Variants in KIF1B observed in about 807,000 individuals in gnomAD.
KIF1B encodes the protein kinesin family member 1B.
In KIF1B, 76 loss-of-function variants were observed where a neutral mutation model predicts 241.9. The ratio of observed to expected loss-of-function variants is 0.31; its 90% confidence interval spans 0.26 to 0.38. The LOEUF is 0.38. Among genes scored for constraint, KIF1B ranks in the 10% least tolerant of loss-of-function variants. The pLI, the probability that KIF1B is intolerant of heterozygous loss-of-function variation, is 1.00. For missense variants in KIF1B, 1,622 were observed against 2,271.4 expected (o/e 0.71, Z 5.81); for synonymous variants, 750 against 796.7 (o/e 0.94, Z 0.99).
At position 10,326,969 on chromosome 1, in the gene KIF1B, C is replaced by T. The variant is rs568086922; in HGVS notation, c.2924+610C>T. On this transcript the variant is annotated intron_variant, in intron 27 of 48. Transcript: ENST00000676179. The surrounding 1 kb of genome is among the most constrained non-coding windows in gnomAD (Gnocchi z 5.2). Reference sequence around the variant, plus strand: ...TGGCCAGTTTCACTGAGCCTATCTACGGATCTTTGGCATCTGCTAAAATTT... The same window carrying T: ...TGGCCAGTTTCACTGAGCCTATCTATGGATCTTTGGCATCTGCTAAAATTT... Among the ~76,000 whole-genome samples the T allele has an allele frequency of 7.9e-5, 12 of 152,168 alleles. No homozygotes were observed. The highest frequency in any genetic ancestry group is 5.8e-4 in the East Asian group (3 of 5,198).
Position 10,293,949 on chromosome 1 carries a change from T to A in KIF1B, c.1591-1137T>A, listed in dbSNP as rs114158367. On this transcript the variant is annotated intron_variant, in intron 17 of 48. Coordinates refer to ENST00000676179, the MANE Select transcript of KIF1B (RefSeq NM_001365951.3). ...TGAGATTCCATTTTTCAAATTATGA[T>A]GTGCTTTAAAGAATGCTACTCACAA... Among the ~76,000 whole-genome samples, 715 of 152,342 alleles carry A rather than the reference T, an allele frequency of 4.7e-3. 3 individuals carry two copies. The highest frequency in any genetic ancestry group is 0.016 in the African/African-American group (659 of 41,586).
intron 2 of KIF1B, among the ~76,000 whole-genome samples, chr1:10,245,260 G>A (rs1647193952): frequency 6.6e-6 from 1 of 152,122 alleles, no homozygotes. Flanking sequence ...AATAAGGCAG[G>A]GAGAAAAGGG....
chr1:10,276,527 CA>C (rs1380593816), intron 12 of KIF1B, 128 bp downstream of exon 12: 8 of 717,420 alleles, frequency 1.1e-5, no homozygotes, highest in Non-Finnish European at 2.0e-5. Context: ...CCTCTCATAA[CA>C]GGGAAAACTT....
chr1:10,272,121 G>A lies in KIF1B; in HGVS notation c.799-120G>A, dbSNP rs1271180438. 4 of 752,406 alleles carry A rather than the reference G, an allele frequency of 5.3e-6. No homozygotes were observed. In the Admixed American group the frequency reaches 7.6e-5, roughly 14 times the overall value. 46.6% of individuals were successfully genotyped at this position (752,406 alleles called of 1,614,324 possible). On this transcript the variant is annotated intron_variant, in intron 8 of 48. Transcript: ENST00000676179. ...GAGGACAGATGGAGGACTAAAGGTT[G>A]TTTTTAGAACTTGTAATAAAGAAAT...
Position 10,375,313 on chromosome 1 carries a change from A to G in KIF1B, c.5348A>G (p.Asn1783Ser), listed in dbSNP as rs549813751. Residue 1783 changes from asparagine (N) to serine (S), a missense_variant, in exon 48 of 49, where the codon AAT becomes AGT. Coordinates refer to ENST00000676179, the MANE Select transcript of KIF1B (RefSeq NM_001365951.3). ...CGTGGGGTCCTTTTGCAGGCCCTCAATGACAAAGACATGAACGACTGGTTG... is the reference window on the plus strand; with the variant it reads ...CGTGGGGTCCTTTTGCAGGCCCTCAGTGACAAAGACATGAACGACTGGTTG... The part of the protein sequence containing the change: ...KHRGVLLQAL[N>S]DKDMNDWLYA... 6 of 1,614,024 alleles carry G rather than the reference A, an allele frequency of 3.7e-6. No individual in the cohort carries two copies. Among genetic ancestry groups the G allele is most frequent in the East Asian group, 2.2e-5 (1 of 44,902 alleles).
intron 19 of KIF1B, among the ~76,000 whole-genome samples, chr1:10,296,273 A>G (rs1450701267): frequency 1.3e-5 from 2 of 152,150 alleles, no homozygotes; most frequent in African/African-American, 4.8e-5. Context: ...TCTCATCCTT[A>G]CAATTTCTGA....
intron 43 of KIF1B, 145 bp from the exon 44 acceptor site, chr1:10,368,322 C>T (rs187970679): frequency 2.7e-5 from 19 of 703,638 alleles, no homozygotes; most frequent in African/African-American, 1.1e-4. Flanking sequence ...GGCAGATGGA[C>T]GAATGCATAG....
chr1:10,368,616 G>A, intron 44 of KIF1B, 78 bp downstream of exon 44: 6 of 1,285,132 alleles, frequency 4.7e-6, no homozygotes, highest in Non-Finnish European at 5.7e-6. Context: ...ACCTATTCCT[G>A]GTTTTTGCTG....
Position 10,295,759 on chromosome 1 carries a change from C to T in KIF1B, c.1770C>T (p.Ser590=), listed in dbSNP as rs139764209. The change falls in exon 19 of 49, where the codon AGC becomes AGT. Residue 590 remains serine, a synonymous_variant. Coordinates refer to ENST00000676179, the MANE Select transcript of KIF1B (RefSeq NM_001365951.3). ...TCTTCCGGAGTGAGAGAAGCAACAG[C>T]GGGGAAGGTGAGCATTCCTGGCTGG... ...HCIFRSERSN[S]GEVIVTLEPC... 116 of 1,612,650 alleles carry T rather than the reference C, an allele frequency of 7.2e-5. No homozygotes were observed. The highest frequency in any genetic ancestry group is 1.5e-4 in the African/African-American group (11 of 74,994).
chr1:10,312,301 T>A (rs1486065790), intron 22 of KIF1B, among the ~76,000 whole-genome samples: 5 of 151,598 alleles, frequency 3.3e-5, no homozygotes, highest in Non-Finnish European at 7.3e-5. Flanking sequence ...GTAAAACATA[T>A]CCTGACTCCA....
rs1042573013 is a variant in KIF1B at position 10,378,062 on chromosome 1, T to C, written c.*1475T>C. 17 of 429,024 alleles carry C rather than the reference T, an allele frequency of 4.0e-5. No homozygotes were observed. Among genetic ancestry groups the C allele is most frequent in the African/African-American group, 1.8e-4 (9 of 50,096 alleles). The allele number at this position is 429,024 out of a possible 1,614,324, so 26.6% of individuals were successfully genotyped here. A position where few individuals can be genotyped will look rare whatever the true frequency, so the allele number is the denominator to read the frequency against. On this transcript the variant is annotated 3_prime_UTR_variant, in exon 49 of 49. Coordinates refer to ENST00000676179, the MANE Select transcript of KIF1B (RefSeq NM_001365951.3). Reference sequence around the variant, plus strand: ...CCTCTGAATCCAGCAGTTGTTTTCATTGATGCTTGTCAGGTTGAAGATGCT... The same window carrying C: ...CCTCTGAATCCAGCAGTTGTTTTCACTGATGCTTGTCAGGTTGAAGATGCT...
intron 22 of KIF1B, chr1:10,304,468 C>G (rs757702990): frequency 6.2e-7 from 1 of 1,610,210 alleles, no homozygotes; most frequent in Non-Finnish European, 8.5e-7. Context: ...CCATATTCAT[C>G]AACACCGTCA....
At chr1:10,373,515 G>A (rs577878227) in intron 45 of KIF1B, among the ~76,000 whole-genome samples, 3 of 151,762 alleles carry the variant, frequency 2.0e-5, no homozygotes, top group Non-Finnish European at 4.4e-5. Flanking sequence ...GATTACAGGT[G>A]TGAGCCACTG....
chr1:10,273,151 C>A, intron 10 of KIF1B, 120 bp downstream of exon 10: 1 of 703,988 alleles, frequency 1.4e-6, no homozygotes, highest in Non-Finnish European at 2.4e-6. Flanking sequence ...CATTTGTTCT[C>A]TGGCTCTGGA....
intron 2 of KIF1B, among the ~76,000 whole-genome samples, chr1:10,251,682 T>C (rs1345160312): frequency 6.0e-5 from 9 of 151,006 alleles, no homozygotes; most frequent in Non-Finnish European, 1.3e-4. Context: ...TGCAGTGAGC[T>C]GAGATCCTAC....
chr1:10,315,171 CTTTTT>C (rs765236286), intron 22 of KIF1B, among the ~76,000 whole-genome samples: 23 of 80,040 alleles, frequency 2.9e-4, no homozygotes, highest in African/African-American at 1.1e-3. Context: ...CAAGAATATT[CTTTTT>C]TTTTTTTTTT....
At chr1:10,259,960 G>GA (rs913986660) in intron 4 of KIF1B, among the ~76,000 whole-genome samples, 61 of 146,618 alleles carry the variant, frequency 4.2e-4, no homozygotes, top group South Asian at 1.1e-3. Context: ...AAAAACTTAA[G>GA]AAAAAAAAAA....
chr1:10,215,161 TATATATA>T (rs1557640156), intron 1 of KIF1B, among the ~76,000 whole-genome samples: 25 of 72,090 alleles, frequency 3.5e-4, no homozygotes, highest in African/African-American at 1.5e-3. Context: ...TATATATATA[TATATATA>T]TATATTTTTT....
intron 22 of KIF1B, 111 bp from the exon 23 acceptor site, chr1:10,319,931 CT>C: frequency 1.4e-6 from 1 of 733,218 alleles, no homozygotes; most frequent in Non-Finnish European, 2.4e-6. Flanking sequence ...GCCTTTGTCT[CT>C]TTTCCTTGTC....
Sources: gnomAD v4.1 joint callset for allele counts (sites outside exome capture counted in the v4.1 genomes callset) on GRCh38, gnomAD v4.1.1 for gene constraint, Gnocchi (gnomAD v3.1) non-coding constraint, MANE v1.5 for transcripts, NCBI Gene and HGNC (gene_info 2026-07-23, HGNC 2026-07-21) for gene names.